SDK1: variants seen among roughly 807,000 people sequenced by gnomAD.
SDK1 encodes the protein sidekick cell adhesion molecule 1, also known as protein sidekick-1.
Under a neutral mutation model 245.5 loss-of-function variants are expected in SDK1, and 157 were observed. The ratio of observed to expected loss-of-function variants is 0.64; its 90% CI spans 0.56 to 0.73. SDK1 has a LOEUF of 0.73. Ranked by LOEUF, SDK1 falls within the 30% of genes least tolerant of loss-of-function variation. The pLI is 0.00. For missense variants in SDK1, 3,583 were observed against 3,002.3 expected (o/e 1.19, Z -4.52); for synonymous variants, 1,647 against 1,278.5 (o/e 1.29, Z -6.15).
At chr7:3,867,064 A>C (rs1452267062) in intron 5 of SDK1, among the ~76,000 whole-genome samples, 6 of 152,318 alleles carry the variant, frequency 3.9e-5, no homozygotes, top group Middle Eastern at 3.4e-3. Context: ...GCAGGCCTTC[A>C]TTCCCCGTGC....
chr7:4,255,807 A>G lies in SDK1; in HGVS notation c.6382-9317A>G, dbSNP rs559933266. On this transcript the variant is annotated intron_variant, in intron 44 of 44. Coordinates refer to ENST00000404826, the MANE Select transcript of SDK1 (RefSeq NM_152744.4). ...GGGAATTGGATAGGGAGAGCAGGTC[A>G]TGGCTCAAGCACCACAGACTCTCAC... 1.0e-3 allele frequency among the ~76,000 whole-genome samples: 157 copies of G among 152,128 alleles called. 1 individual carries two copies. The highest frequency in any genetic ancestry group is 6.8e-3 in the Middle Eastern group (2 of 294).
At chr7:4,028,050 A>G (rs1198787304) in intron 17 of SDK1, among the ~76,000 whole-genome samples, 1 of 151,892 alleles carries the variant, frequency 6.6e-6, no homozygotes, top group Non-Finnish European at 1.5e-5. Flanking sequence ...GGAAGGGAGG[A>G]GAAAATAAGT....
intron 5 of SDK1, among the ~76,000 whole-genome samples, chr7:3,888,393 A>G (rs2128101073): frequency 6.6e-6 from 1 of 152,338 alleles, no homozygotes; most frequent in East Asian, 1.9e-4. Flanking sequence ...AAAGCAGGAC[A>G]TGAACCGTAC....
chr7:4,143,329 G>A (rs6956417), intron 28 of SDK1, among the ~76,000 whole-genome samples: 10,450 of 152,220 alleles, frequency 0.069, 586 homozygotes, highest in African/African-American at 0.15. Flanking sequence ...TAGGGAAGGG[G>A]TCTTGCCAGC....
chr7:3,465,142 G>A (rs1780954299), intron 1 of SDK1, among the ~76,000 whole-genome samples: 1 of 152,100 alleles, frequency 6.6e-6, no homozygotes, highest in South Asian at 2.1e-4. Flanking sequence ...TTGGCATTGT[G>A]CCTGCACTTC....
At chr7:3,765,247 G>T (rs1430596259) in intron 4 of SDK1, among the ~76,000 whole-genome samples, 1 of 152,052 alleles carries the variant, frequency 6.6e-6, no homozygotes, top group Non-Finnish European at 1.5e-5. Flanking sequence ...TATATTAGTA[G>T]TTTGTTCCTT....
chr7:3,793,542 C>T (rs1033130704), intron 4 of SDK1, among the ~76,000 whole-genome samples: 11 of 152,150 alleles, frequency 7.2e-5, no homozygotes, highest in African/African-American at 1.7e-4. Flanking sequence ...TAAGTGGACC[C>T]GTGATCCTCT....
intron 1 of SDK1, among the ~76,000 whole-genome samples, chr7:3,387,902 T>G (rs1252479678): frequency 3.9e-5 from 6 of 152,238 alleles, no homozygotes; most frequent in African/African-American, 1.4e-4. Context: ...TAATCCTTAT[T>G]TGACACATGA....
At chr7:4,213,850 A>G (rs1328967877) in intron 38 of SDK1, among the ~76,000 whole-genome samples, 3 of 152,182 alleles carry the variant, frequency 2.0e-5, no homozygotes, top group Admixed American at 6.6e-5. Context: ...TGGGAAACTC[A>G]AAGCATTCGG....
chr7:3,377,588 G>C (rs1209583528), intron 1 of SDK1, among the ~76,000 whole-genome samples: 1 of 152,038 alleles, frequency 6.6e-6, no homozygotes, highest in Non-Finnish European at 1.5e-5. Flanking sequence ...CCCCGTCTCT[G>C]TGTCTGTTGT....
intron 14 of SDK1, among the ~76,000 whole-genome samples, chr7:3,989,533 C>T (rs1396562256): frequency 1.3e-5 from 2 of 152,162 alleles, no homozygotes; most frequent in African/African-American, 4.8e-5. Flanking sequence ...GCTGTTAACA[C>T]GATCCACTTT....
At chr7:4,232,038 CCTA>C (rs1425727150) in intron 40 of SDK1, among the ~76,000 whole-genome samples, 2 of 138,538 alleles carry the variant, frequency 1.4e-5, no homozygotes, top group African/African-American at 2.6e-5. Flanking sequence ...GGCCTCTGAG[CCTA>C]CTTTTTTTTT....
intron 1 of SDK1, among the ~76,000 whole-genome samples, chr7:3,362,924 T>C (rs35218591): frequency 0.24 from 37,192 of 152,144 alleles, 4,881 homozygotes; most frequent in East Asian, 0.39. Context: ...TTAATTTTAT[T>C]TTGGGGACAA....
chr7:3,362,815 G>A (rs907264296), intron 1 of SDK1, among the ~76,000 whole-genome samples: 4 of 152,096 alleles, frequency 2.6e-5, no homozygotes, highest in Non-Finnish European at 5.9e-5. Flanking sequence ...AGTTTTCCAT[G>A]CGTGTGTGAT....
intron 22 of SDK1, 152 bp from the exon 23 acceptor site, chr7:4,110,511 G>T: frequency 1.6e-6 from 1 of 625,626 alleles, no homozygotes. Flanking sequence ...CAAGGCACAA[G>T]AGGGGGTTGT....
At chr7:3,987,811 C>G (rs1180692189) in intron 14 of SDK1, among the ~76,000 whole-genome samples, 1 of 152,168 alleles carries the variant, frequency 6.6e-6, no homozygotes, top group Admixed American at 6.5e-5. Context: ...ATGAAACATG[C>G]TCCTTCCGTG....
chr7:4,105,025 C>G (rs1180945489), intron 22 of SDK1, among the ~76,000 whole-genome samples: 1 of 152,134 alleles, frequency 6.6e-6, no homozygotes, highest in African/African-American at 2.4e-5. Flanking sequence ...CTCTGTCACC[C>G]TGGCTGGTGT....
intron 4 of SDK1, among the ~76,000 whole-genome samples, chr7:3,818,305 A>G (rs781302687): frequency 4.6e-5 from 7 of 152,234 alleles, no homozygotes; most frequent in Non-Finnish European, 8.8e-5. Context: ...GCTATGTTAT[A>G]ATAAGGCCAG....
At chr7:3,979,775 TC>T (rs1219510515) in intron 13 of SDK1, among the ~76,000 whole-genome samples, 1 of 152,130 alleles carries the variant, frequency 6.6e-6, no homozygotes, top group Non-Finnish European at 1.5e-5. Context: ...GACTTCATAT[TC>T]CCCAAAGCAT....
Sources: gnomAD v4.1 joint callset for allele counts (sites outside exome capture counted in the v4.1 genomes callset) on GRCh38, gnomAD v4.1.1 for gene constraint, MANE v1.5 for transcripts, NCBI Gene and HGNC (gene_info 2026-07-23, HGNC 2026-07-21) for gene names.